The following RBFOX1 variants were observed in gnomAD, a reference collection of about 807,000 sequenced individuals.
RBFOX1 encodes the protein RNA binding fox-1 homolog 1.
Under a neutral mutation model 57.7 loss-of-function variants are expected in RBFOX1, and 8 were observed. The observed-to-expected ratio is 0.14, with a 90% CI of 0.08 to 0.25. RBFOX1 has a LOEUF of 0.25. Among genes scored for constraint, RBFOX1 ranks in the 10% least tolerant of loss-of-function variants. The pLI, the probability that RBFOX1 is intolerant of heterozygous loss-of-function variation, is 1.00. For synonymous variants in RBFOX1, 326 were observed against 222.4 expected (o/e 1.47, Z -4.15); for missense variants, 611 against 548.5 (o/e 1.11, Z -1.14).
chr16:7,357,736 G>C (rs962080682), intron 4 of RBFOX1, among the ~76,000 whole-genome samples: 2 of 152,126 alleles, frequency 1.3e-5, no homozygotes, highest in Non-Finnish European at 2.9e-5. Context: ...GGCTAGTGGA[G>C]GTGCTTCCTG....
intron 7 of RBFOX1, 104 bp downstream of exon 7, chr16:7,587,404 A>G (rs2094187138): frequency 8.3e-7 from 1 of 1,201,536 alleles, no homozygotes. Flanking sequence ...TTGTGAAAAT[A>G]CACTTCAGTG....
intron 4 of RBFOX1, among the ~76,000 whole-genome samples, chr16:7,446,384 A>G (rs1598603657): frequency 6.6e-6 from 1 of 152,204 alleles, no homozygotes; most frequent in African/African-American, 2.4e-5. Flanking sequence ...GAGGAGAAGT[A>G]GAACAAGGAG....
rs2091903643 is a variant in RBFOX1, at chr16:6,993,990, TAGA to T, written c.-15-58061_-15-58059del. Among the ~76,000 whole-genome samples the T allele has an allele frequency of 2.0e-5, 3 of 152,184 alleles. No homozygotes were observed. The South Asian group carries it at 6.2e-4, about 32-fold the overall frequency. ...CAGGGAAGAGGGGTGGAGGTGGCTT[TAGA>T]AGAAGTATGTGGTTTAATTACTGGC... On this transcript the variant is annotated intron_variant, in intron 3 of 15. Coordinates refer to ENST00000550418, the MANE Select transcript of RBFOX1 (RefSeq NM_018723.4).
intron 4 of RBFOX1, among the ~76,000 whole-genome samples, chr16:7,147,732 A>C (rs376736180): frequency 6.6e-6 from 1 of 152,068 alleles, no homozygotes; most frequent in African/African-American, 2.4e-5. Flanking sequence ...ATGGGTATCT[A>C]GGTTAATTTC....
At chr16:6,905,970 G>T (rs1171644691) in intron 3 of RBFOX1, among the ~76,000 whole-genome samples, 1 of 152,154 alleles carries the variant, frequency 6.6e-6, no homozygotes, top group Non-Finnish European at 1.5e-5. Flanking sequence ...TAGGTGCCAG[G>T]CTGCAGGGTC....
intron 1 of RBFOX1, among the ~76,000 whole-genome samples, chr16:5,321,359 A>T (rs1053998054): frequency 9.3e-5 from 14 of 150,690 alleles, no homozygotes; most frequent in Admixed American, 3.3e-4. Context: ...TCGCTTTGTC[A>T]CCCAGGCTGG....
At chr16:5,517,593 G>A (rs1322473861) in intron 2 of RBFOX1, among the ~76,000 whole-genome samples, 1 of 152,142 alleles carries the variant, frequency 6.6e-6, no homozygotes, top group Non-Finnish European at 1.5e-5. Flanking sequence ...ACCAGGGTTT[G>A]GACAGGGTGA....
chr16:5,570,893 G>C (rs905703581), intron 2 of RBFOX1, among the ~76,000 whole-genome samples: 17 of 151,682 alleles, frequency 1.1e-4, no homozygotes, highest in African/African-American at 3.6e-4. Flanking sequence ...GTTACTTGGA[G>C]ATCTTTAGAG....
At chr16:7,306,951 T>A (rs1568130923) in intron 4 of RBFOX1, among the ~76,000 whole-genome samples, 1 of 152,244 alleles carries the variant, frequency 6.6e-6, no homozygotes, top group East Asian at 1.9e-4. Flanking sequence ...GATCTCTAGC[T>A]AATTTTGGTG....
intron 2 of RBFOX1, among the ~76,000 whole-genome samples, chr16:5,470,860 A>G (rs536769214): frequency 1.3e-5 from 2 of 151,994 alleles, no homozygotes; most frequent in Non-Finnish European, 2.9e-5. Flanking sequence ...TATTATTATT[A>G]TTATTTCTGA....
At chr16:6,563,835 A>T (rs34115588) in intron 2 of RBFOX1, among the ~76,000 whole-genome samples, 4,071 of 151,308 alleles carry the variant, frequency 0.027, 67 homozygotes, top group Middle Eastern at 0.041. Flanking sequence ...CCAAAAAAAA[A>T]ATATATATAT....
At chr16:7,095,111 T>G (rs1400581557) in intron 4 of RBFOX1, among the ~76,000 whole-genome samples, 1 of 152,144 alleles carries the variant, frequency 6.6e-6, no homozygotes, top group Non-Finnish European at 1.5e-5. Context: ...TTTCTTTCTT[T>G]CTTTTTTCTT....
intron 2 of RBFOX1, among the ~76,000 whole-genome samples, chr16:6,626,544 G>T (rs2098310591): frequency 6.6e-6 from 1 of 152,162 alleles, no homozygotes; most frequent in East Asian, 1.9e-4. Flanking sequence ...CGGATCACCT[G>T]GGATCAGGAG....
chr16:6,622,463 T>C (rs1003545452), intron 2 of RBFOX1, among the ~76,000 whole-genome samples: 13 of 152,176 alleles, frequency 8.5e-5, no homozygotes, highest in Non-Finnish European at 1.5e-4. Flanking sequence ...AGCAATAGGC[T>C]AGACCATATA....
rs1568411009 is a variant in RBFOX1, at chr16:7,676,856, T to G, written c.995+18T>G. 6.2e-7 allele frequency: 1 copy of G among 1,601,272 alleles called. No homozygotes were observed. Among genetic ancestry groups the G allele is most frequent in the East Asian group, 2.2e-5 (1 of 44,612 alleles). ...AGTGACAGGTAAGGGTCATCCTTCT[T>G]GTGCTTGACAACTACTTGTAAATTA... On this transcript the variant is annotated intron_variant, in intron 14 of 15. Transcript: ENST00000550418.
chr16:6,774,661 G>C (rs770491988), intron 3 of RBFOX1, among the ~76,000 whole-genome samples: 43 of 152,070 alleles, frequency 2.8e-4, no homozygotes, highest in Non-Finnish European at 5.4e-4. Flanking sequence ...AATATATAGA[G>C]TATTCTTGAC....
rs569392973 is a variant in RBFOX1 at position 6,714,180 on chromosome 16, G to C, written c.-16+59530G>C. 5.3e-5 allele frequency among the ~76,000 whole-genome samples: 8 copies of C among 152,300 alleles called. No homozygotes were observed. The South Asian group carries it at 1.5e-3, about 28-fold the overall frequency. Reference sequence around the variant, plus strand: ...TCTCACCTGCCACCATGTAAGCCATGCCTGCCTCAACTTCTGCCAAGATTG... The same window carrying C: ...TCTCACCTGCCACCATGTAAGCCATCCCTGCCTCAACTTCTGCCAAGATTG... On this transcript the variant is annotated intron_variant, in intron 3 of 15. Transcript: ENST00000550418.
chr16:5,510,663 G>T (rs1221592958), intron 2 of RBFOX1, among the ~76,000 whole-genome samples: 1 of 152,188 alleles, frequency 6.6e-6, no homozygotes, highest in African/African-American at 2.4e-5. Flanking sequence ...GGTTTTCCTT[G>T]TAGGTGGCCT....
At chr16:7,164,579 A>T (rs1198333521) in intron 4 of RBFOX1, among the ~76,000 whole-genome samples, 1 of 152,154 alleles carries the variant, frequency 6.6e-6, no homozygotes, top group Non-Finnish European at 1.5e-5. Flanking sequence ...GCCCCCTCTA[A>T]ATCCTCTTGT....
Sources: gnomAD v4.1 joint callset for allele counts (sites outside exome capture counted in the v4.1 genomes callset) on GRCh38, gnomAD v4.1.1 for gene constraint, MANE v1.5 for transcripts, NCBI Gene and HGNC (gene_info 2026-07-23, HGNC 2026-07-21) for gene names.